The following CEMIP2 variants were observed in gnomAD, a reference collection of about 807,000 sequenced individuals.
CEMIP2 encodes the protein cell surface hyaluronidase CEMIP2.
Under a neutral mutation model 146.9 loss-of-function variants are expected in CEMIP2, and 79 were observed. The observed-to-expected ratio is 0.54, with a 90% CI of 0.45 to 0.65. The LOEUF (loss-of-function observed/expected upper bound fraction) is 0.65, where lower values mean the gene tolerates loss of function less well. Among genes scored for constraint, CEMIP2 ranks in the 30% least tolerant of loss-of-function variants. CEMIP2 has a pLI of 0.00. For synonymous variants in CEMIP2, 601 were observed against 606.3 expected, an observed-to-expected ratio of 0.99 and a Z score of 0.13; for missense variants, 1,596 against 1,696.2, an observed-to-expected ratio of 0.94 and a Z score of 1.04.
chr9:71,755,036 A>C (rs968821183), intron 1 of CEMIP2, among the ~76,000 whole-genome samples: 4 of 152,190 alleles, frequency 2.6e-5, no homozygotes, highest in Non-Finnish European at 5.9e-5. Flanking sequence ...CTCTTGGGAA[A>C]AAAAACTGGT....
intron 10 of CEMIP2, among the ~76,000 whole-genome samples, chr9:71,728,815 T>TTGTGTGTG (rs33987875): frequency 0.033 from 4,843 of 148,264 alleles, 264 homozygotes; most frequent in African/African-American, 0.11. Context: ...TGTGGGGTTT[T>TTGTGTGTG]TGTGTGTGTG....
chr9:71,703,463 T>G (rs750300405), intron 18 of CEMIP2, among the ~76,000 whole-genome samples: 1 of 152,188 alleles, frequency 6.6e-6, no homozygotes, highest in Non-Finnish European at 1.5e-5. Flanking sequence ...TCCTTGGAAG[T>G]GACTTTCTTA....
At position 71,709,411 on chromosome 9, in the gene CEMIP2, C is replaced by T. The variant is rs1486972193; in HGVS notation, c.2833G>A (p.Asp945Asn). Residue 945 changes from aspartate to asparagine, a missense_variant, in exon 17 of 24, where the codon GAT (aspartate) becomes AAT (asparagine). Asp to Asn is a conservative substitution (Grantham distance 23, BLOSUM62 1). Transcript: ENST00000377044. The part of the protein sequence containing the change: ...PWFEDCEMDG[D>N]KNSIFHDIDG... Reference sequence around the variant, plus strand: ...ATGTCATGGAATATGGAGTTCTTATCACCATCCATCTCACAATCTTCAAAC... The same window carrying T: ...ATGTCATGGAATATGGAGTTCTTATTACCATCCATCTCACAATCTTCAAAC... The T allele has an allele frequency of 1.2e-6, 2 of 1,614,068 alleles. No individual in the cohort carries two copies. The highest frequency in any genetic ancestry group is 1.7e-6 in the Non-Finnish European group (2 of 1,180,036).
chr9:71,712,209 T>C lies in CEMIP2; in HGVS notation c.2643A>G (p.Thr881=). ...FQIYDGPIHL[T]RSTFKKYVPT... is the part of the protein sequence containing the mutation. ...GCACATATTTTTTGAAAGTGCTCCT[T>C]GTGAGATGAATGGGCCCATCATAAA... The change falls in exon 16 of 24, where the codon ACA becomes ACG. Residue 881 remains threonine, a synonymous_variant. Coordinates refer to ENST00000377044, the MANE Select transcript of CEMIP2 (RefSeq NM_013390.3). The C allele has an allele frequency of 6.2e-7, 1 of 1,614,160 alleles. No individual in the cohort carries two copies. The highest frequency in any genetic ancestry group is 1.3e-5 in the African/African-American group (1 of 75,040).
rs1476739005 is a variant in CEMIP2 at position 71,704,699 on chromosome 9, G to A, written c.3090C>T (p.Ala1030=). 1.2e-6 allele frequency: 2 copies of A among 1,614,184 alleles called. No individual in the cohort carries two copies. Among genetic ancestry groups the A allele is most frequent in the East Asian group, 2.2e-5 (1 of 44,888 alleles). Residue 1030 remains alanine (A), a synonymous_variant, in exon 18 of 24, where the codon GCC becomes GCT. Transcript: ENST00000377044. ...MVLRGINQKA[A]FPQYQPVVML... ...TGACGACAGGCTGGTACTGTGGAAA[G>A]GCAGCCTTCTGATTAATACCTCGGA...
At position 71,767,624 on chromosome 9, in the gene CEMIP2, G is replaced by T. The variant is rs143544318; in HGVS notation, c.-13+733C>A. 2.2e-3 allele frequency among the ~76,000 whole-genome samples: 336 copies of T among 152,260 alleles called. 3 individuals are homozygous for T. The highest frequency in any genetic ancestry group is 7.7e-3 in the African/African-American group (319 of 41,550). The stretch of plus-strand genomic sequence containing the variant: ...TCAGGACCTTGGTTTTATCGCTAAG[G>T]GTGTAGCCACTAGTGCTATTAACAG... On this transcript the variant is annotated intron_variant, in intron 1 of 23. Transcript: ENST00000377044.
intron 21 of CEMIP2, among the ~76,000 whole-genome samples, chr9:71,692,364 C>CTTCTCT (rs1563993236): frequency 1.3e-5 from 1 of 77,548 alleles, no homozygotes; most frequent in African/African-American, 1.3e-4. Context: ...CTCTACCCCC[C>CTTCTCT]ATCTCTCTCT....
chr9:71,732,404 C>G lies in CEMIP2; in HGVS notation c.1510G>C (p.Ala504Pro). The change falls in exon 7 of 24, where the codon GCA becomes CCA. Residue 504 changes from alanine (A) to proline (P), a missense_variant. Ala to Pro is a conservative substitution (Grantham distance 27, BLOSUM62 -1). Coordinates refer to ENST00000377044, the MANE Select transcript of CEMIP2 (RefSeq NM_013390.3). ...IQGEVEDSCY[A>P]ENQCQFFDYD... is the part of the protein sequence containing the mutation. Reference sequence around the variant, plus strand: ...TCAAAAAATTGGCACTGATTTTCTGCGTAGCATGAGTCCTCCACTTCTCCT... The same window carrying G: ...TCAAAAAATTGGCACTGATTTTCTGGGTAGCATGAGTCCTCCACTTCTCCT... 1 of 1,613,498 alleles carries G rather than the reference C, an allele frequency of 6.2e-7. No individual in the cohort carries two copies. Among genetic ancestry groups the G allele is most frequent in the Non-Finnish European group, 8.5e-7 (1 of 1,179,878 alleles).
chr9:71,748,028 CT>C (rs1336380157), intron 2 of CEMIP2, among the ~76,000 whole-genome samples: 2 of 152,108 alleles, frequency 1.3e-5, no homozygotes, highest in Non-Finnish European at 2.9e-5. Context: ...ATGAGGATTC[CT>C]TAACTTTTCT....
In CEMIP2 at chr9:71,734,841, C is replaced by T. The variant is rs755447989; in HGVS notation, c.1358G>A (p.Cys453Tyr). The change falls in exon 6 of 24, where the codon TGT (cysteine) becomes TAT (tyrosine). Residue 453 changes from cysteine (C) to tyrosine (Y), a missense_variant. Coordinates refer to ENST00000377044, the MANE Select transcript of CEMIP2 (RefSeq NM_013390.3). ...YQAEEFTLLP[C>Y]SECSHFQVKV... The stretch of plus-strand genomic sequence containing the variant: ...GACCTGAAAATGGCTGCATTCAGAA[C>T]AGGGAAGAAGAGTGAACTCCTCTGC... 10 of 1,612,928 alleles carry T rather than the reference C, an allele frequency of 6.2e-6. No homozygotes were observed. Among genetic ancestry groups the T allele is most frequent in the Non-Finnish European group, 8.5e-6 (10 of 1,179,498 alleles).
At chr9:71,757,232 A>G (rs1291365421) in intron 1 of CEMIP2, among the ~76,000 whole-genome samples, 1 of 152,194 alleles carries the variant, frequency 6.6e-6, no homozygotes, top group Admixed American at 6.5e-5. Context: ...AAAATACAAT[A>G]CTTTTGATTC....
At position 71,690,177 on chromosome 9, in the gene CEMIP2, G is replaced by C. The variant is rs745575493; in HGVS notation, c.3766C>G (p.Pro1256Ala). Residue 1256 changes from proline (P) to alanine (A), a missense_variant, in exon 22 of 24, where the codon CCA becomes GCA. Pro to Ala is a conservative substitution (Grantham distance 27, BLOSUM62 -1). Coordinates refer to ENST00000377044, the MANE Select transcript of CEMIP2 (RefSeq NM_013390.3). Reference sequence around the variant, plus strand: ...ACCGTTTTTTCCGTCAAGCGGAATGGAACGCTGCACGGATCCACAACAAGG... The same window carrying C: ...ACCGTTTTTTCCGTCAAGCGGAATGCAACGCTGCACGGATCCACAACAAGG... Reference protein sequence around the residue: ...LLLVVDPCSVPFRLTEKTVFP... With the variant: ...LLLVVDPCSVAFRLTEKTVFP... 1.2e-6 allele frequency: 2 copies of C among 1,614,048 alleles called. No homozygotes were observed. The highest frequency in any genetic ancestry group is 1.7e-6 in the Non-Finnish European group (2 of 1,180,022).
At chr9:71,741,631 GTTTTTTTTTTT>G (rs11334265) in intron 4 of CEMIP2, among the ~76,000 whole-genome samples, 4 of 73,124 alleles carry the variant, frequency 5.5e-5, no homozygotes, top group Non-Finnish European at 9.6e-5. Flanking sequence ...TTCTTTTCTG[GTTTTTTTTTTT>G]TTTTTTTTTT....
intron 19 of CEMIP2, 123 bp downstream of exon 19, chr9:71,700,516 GAGA>G (rs3831176): frequency 0.41 from 385,489 of 945,746 alleles, 79,848 homozygotes; most frequent in African/African-American, 0.5. Context: ...ACCTCTAATA[GAGA>G]AGATGTGCAG....
intron 1 of CEMIP2, among the ~76,000 whole-genome samples, chr9:71,753,846 T>C (rs1824330660): frequency 1.3e-5 from 2 of 152,228 alleles, no homozygotes; most frequent in Non-Finnish European, 2.9e-5. Context: ...ATTTCATTCA[T>C]TCAGTAAGCT....
rs1208544525 is a variant in CEMIP2, at chr9:71,740,051, C to G, written c.1204+12G>C. ...TCAGTGTCTTACAAGAGTATAAACTCTACTTGCCTACCTTCAATCCATTCA... is the reference window on the plus strand; with the variant it reads ...TCAGTGTCTTACAAGAGTATAAACTGTACTTGCCTACCTTCAATCCATTCA... On this transcript the variant is annotated intron_variant, in intron 5 of 23. Coordinates refer to ENST00000377044, the MANE Select transcript of CEMIP2 (RefSeq NM_013390.3). The G allele has an allele frequency of 1.2e-6, 2 of 1,611,854 alleles. No individual in the cohort carries two copies. The highest frequency in any genetic ancestry group is 2.7e-5 in the African/African-American group (2 of 74,804).
At chr9:71,727,545 C>T (rs1416584154) in intron 10 of CEMIP2, among the ~76,000 whole-genome samples, 9 of 152,190 alleles carry the variant, frequency 5.9e-5, no homozygotes, top group African/African-American at 1.7e-4. Flanking sequence ...TGAGTTCAAA[C>T]CATCACCCAC....
intron 17 of CEMIP2, among the ~76,000 whole-genome samples, chr9:71,707,647 C>T (rs10869055): frequency 0.45 from 68,548 of 152,052 alleles, 18,307 homozygotes; most frequent in Non-Finnish European, 0.6. Context: ...AGCGGGAGCC[C>T]GAAAACACAC....
intron 11 of CEMIP2, among the ~76,000 whole-genome samples, 167 bp from the exon 12 acceptor site, chr9:71,722,682 G>A (rs1245247341): frequency 6.6e-6 from 1 of 151,248 alleles, no homozygotes; most frequent in Non-Finnish European, 1.5e-5. Context: ...CTACTTTCCT[G>A]GATATTTTCT....
Sources: allele counts gnomAD v4.1 joint callset (sites outside exome capture counted in the v4.1 genomes callset), GRCh38; gene constraint gnomAD v4.1.1; transcripts MANE v1.5; gene names NCBI Gene and HGNC (gene_info 2026-07-23, HGNC 2026-07-21).